The following NUP93 variants were observed in gnomAD, a reference collection of about 807,000 sequenced individuals.
NUP93 encodes the protein nuclear pore complex protein Nup93.
NUP93 carries 55 observed loss-of-function variants against 107.8 expected under a neutral mutation model. The observed-to-expected ratio is 0.51, with a 90% CI of 0.41 to 0.64. The LOEUF (loss-of-function observed/expected upper bound fraction) is 0.64, where lower values mean the gene tolerates loss of function less well. NUP93 is among the 30% of genes least tolerant of loss of function. The probability of loss-of-function intolerance (pLI) is 0.00; values close to 1 mark genes in which losing one functional copy is unlikely to be tolerated. For synonymous variants in NUP93, 390 were observed against 397.5 expected (o/e 0.98, Z 0.22); for missense variants, 937 against 1,044.7 (o/e 0.90, Z 1.42).
chr16:56,844,738 C>A lies in NUP93; in HGVS notation c.*129C>A. The A allele has an allele frequency of 2.4e-6, 1 of 418,650 alleles. No homozygotes were observed. The highest frequency in any genetic ancestry group is 1.0e-4 in the South Asian group (1 of 9,646). 25.9% of individuals were successfully genotyped at this position (418,650 alleles called of 1,614,324 possible). ...TGGTTTCTGTATTATGTATTTTTGT[C>A]AACGCCAATAAATTTCTTTGATTTG... On this transcript the variant is annotated 3_prime_UTR_variant, in exon 22 of 22. Transcript: ENST00000308159.
chr16:56,804,787 T>C (rs1963098178), intron 4 of NUP93, among the ~76,000 whole-genome samples: 1 of 151,206 alleles, frequency 6.6e-6, no homozygotes. Context: ...GCGCCTGTAA[T>C]CCCAGCTACT....
chr16:56,730,611 C>T (rs1263438960), intron 1 of NUP93, among the ~76,000 whole-genome samples: 4 of 152,174 alleles, frequency 2.6e-5, no homozygotes, highest in Admixed American at 6.5e-5. Context: ...GCTTGCCTAC[C>T]CCTCGTGGAC....
chr16:56,802,469 AG>A (rs1242021366), intron 4 of NUP93, among the ~76,000 whole-genome samples: 1 of 152,254 alleles, frequency 6.6e-6, no homozygotes, highest in Admixed American at 6.5e-5. Context: ...CTCAGTGAAA[AG>A]AAAAAAAACA....
At chr16:56,781,766 C>T (rs541128531) in intron 3 of NUP93, 3 of 945,796 alleles carry the variant, frequency 3.2e-6, no homozygotes, top group Non-Finnish European at 3.8e-6. Context: ...GTCTCTCCCC[C>T]TCTTAAATCT....
chr16:56,849,304 A>T lies in NUP93; in HGVS notation c.*4695A>T, dbSNP rs1328726021. On this transcript the variant is annotated 3_prime_UTR_variant, in exon 22 of 22. Coordinates refer to ENST00000308159, the MANE Select transcript of NUP93 (RefSeq NM_014669.5). ...ACATTGAGAAGGGGGTGGAAATTTG[A>T]TGTACTGTGAATAATGAAGGCCGGA... is the stretch of plus-strand genomic sequence containing the variant. The T allele has an allele frequency of 6.6e-6, 1 of 152,252 alleles. No homozygotes were observed. Among genetic ancestry groups the T allele is most frequent in the African/African-American group, 2.4e-5 (1 of 41,442 alleles). 9.4% of individuals were successfully genotyped at this position (152,252 alleles called of 1,614,324 possible).
At chr16:56,840,566 G>A (rs1276212255) in intron 20 of NUP93, among the ~76,000 whole-genome samples, 1 of 152,160 alleles carries the variant, frequency 6.6e-6, no homozygotes. Flanking sequence ...TGTGGCCCAG[G>A]TAAATTCTTC....
chr16:56,774,624 A>G (rs13336807), intron 3 of NUP93, among the ~76,000 whole-genome samples: 2,773 of 152,310 alleles, frequency 0.018, 87 homozygotes, highest in African/African-American at 0.063. Flanking sequence ...TTTAGAAATC[A>G]TTTGAAATGG....
intron 3 of NUP93, chr16:56,781,756 G>C: frequency 1.1e-6 from 1 of 881,888 alleles, no homozygotes; most frequent in Non-Finnish European, 1.4e-6. Context: ...CCTACATGTT[G>C]TCTCTCCCCC....
intron 4 of NUP93, among the ~76,000 whole-genome samples, chr16:56,803,651 C>G (rs1963069119): frequency 6.6e-6 from 1 of 151,922 alleles, no homozygotes; most frequent in Admixed American, 6.6e-5. Flanking sequence ...TGGAAAGATG[C>G]TCAACATCAT....
At chr16:56,733,916 T>G (rs543174720) in intron 1 of NUP93, among the ~76,000 whole-genome samples, 1 of 152,228 alleles carries the variant, frequency 6.6e-6, no homozygotes, top group African/African-American at 2.4e-5. Context: ...GAAGAAACTT[T>G]CTCAAACCTT....
At chr16:56,782,995 C>T (rs748349256) in intron 3 of NUP93, among the ~76,000 whole-genome samples, 24 of 152,074 alleles carry the variant, frequency 1.6e-4, no homozygotes, top group Non-Finnish European at 2.9e-4. Flanking sequence ...TGAAAACTTC[C>T]TAAGTCATGT....
At chr16:56,747,185 G>A (rs1012521088) in intron 1 of NUP93, among the ~76,000 whole-genome samples, 1 of 152,052 alleles carries the variant, frequency 6.6e-6, no homozygotes, top group East Asian at 1.9e-4. Context: ...TTGTAGTAGA[G>A]ATGGAGGTTT....
chr16:56,750,814 GGTATAA>G (rs1961905196), intron 2 of NUP93, among the ~76,000 whole-genome samples: 1 of 152,034 alleles, frequency 6.6e-6, no homozygotes, highest in South Asian at 2.1e-4. Flanking sequence ...GCTGACTCCT[GGTATAA>G]ATAATAAAAT....
chr16:56,815,012 G>T (rs1423357810), intron 5 of NUP93, among the ~76,000 whole-genome samples: 1 of 152,206 alleles, frequency 6.6e-6, no homozygotes, highest in East Asian at 1.9e-4. Context: ...TAGCGGCTTG[G>T]TCAAGGGCAA....
At chr16:56,819,132 C>CT (rs572812275) in intron 6 of NUP93, among the ~76,000 whole-genome samples, 90 of 152,242 alleles carry the variant, frequency 5.9e-4, no homozygotes, top group Middle Eastern at 6.8e-3. Flanking sequence ...TTTCTAAATG[C>CT]TTTTTTGTCT....
At chr16:56,812,125 T>A (rs1416778155) in intron 5 of NUP93, among the ~76,000 whole-genome samples, 10 of 152,216 alleles carry the variant, frequency 6.6e-5, no homozygotes, top group Non-Finnish European at 1.2e-4. Context: ...CAGCTTCACA[T>A]AATTTTGAGC....
At chr16:56,814,256 C>G (rs1187329528) in intron 5 of NUP93, among the ~76,000 whole-genome samples, 1 of 152,160 alleles carries the variant, frequency 6.6e-6, no homozygotes, top group African/African-American at 2.4e-5. Flanking sequence ...TCTCAGCTCA[C>G]TGCAACTTCC....
At chr16:56,813,467 C>T (rs1340675717) in intron 5 of NUP93, among the ~76,000 whole-genome samples, 4 of 152,200 alleles carry the variant, frequency 2.6e-5, no homozygotes, top group African/African-American at 7.2e-5. Flanking sequence ...GGACCCAGTT[C>T]ACCTGTTAGG....
chr16:56,797,012 C>T (rs1220588492), intron 3 of NUP93, among the ~76,000 whole-genome samples: 1 of 150,964 alleles, frequency 6.6e-6, no homozygotes, highest in Non-Finnish European at 1.5e-5. Flanking sequence ...CGGTGGCTTA[C>T]GCCGGTAATC....
Sources: allele counts gnomAD v4.1 joint callset (sites outside exome capture counted in the v4.1 genomes callset), GRCh38; gene constraint gnomAD v4.1.1; transcripts MANE v1.5; gene names NCBI Gene and HGNC (gene_info 2026-07-23, HGNC 2026-07-21).